PIR: variants seen among roughly 807,000 people sequenced by gnomAD.
PIR encodes pirin (iron-binding nuclear protein).
PIR carries 22 observed loss-of-function variants against 24.2 expected under a neutral mutation model. The observed-to-expected ratio is 0.91, with a 90% CI of 0.65 to 1.30. The LOEUF (loss-of-function observed/expected upper bound fraction) is 1.30, where lower values mean the gene tolerates loss of function less well. PIR is among the 50% of genes most tolerant of loss of function. The probability of loss-of-function intolerance (pLI) is 0.00; values close to 1 mark genes in which losing one functional copy is unlikely to be tolerated. For synonymous variants in PIR, 80 were observed against 79.6 expected (o/e 1.00, Z -0.03); for missense variants, 220 against 220.3 (o/e 1.00, Z 0.01).
chrX:15,415,155 C>T (rs1296793890), intron 6 of PIR, among the ~76,000 whole-genome samples: 1 of 111,419 alleles, frequency 9.0e-6, no homozygotes, highest in Non-Finnish European at 1.9e-5. Context: ...AACTCAGTCC[C>T]ATTACTCACT....
chrX:15,388,741 G>C (rs977512428), intron 9 of PIR, among the ~76,000 whole-genome samples: 1 of 112,237 alleles, frequency 8.9e-6, no homozygotes, highest in Non-Finnish European at 1.9e-5. Context: ...ACGATGATAA[G>C]AGGAGAAAGG....
At chrX:15,398,439 G>A (rs890076817) in intron 7 of PIR, among the ~76,000 whole-genome samples, 1 of 111,289 alleles carries the variant, frequency 9.0e-6, no homozygotes, top group Admixed American at 9.6e-5. Context: ...ACAGATATTT[G>A]TTGTGGAGGA....
chrX:15,392,588 C>T (rs1347522365), intron 8 of PIR, among the ~76,000 whole-genome samples: 1 of 111,423 alleles, frequency 9.0e-6, no homozygotes, highest in African/African-American at 3.3e-5. Context: ...ATTTGTTTCC[C>T]TTTCCTGCCT....
intron 9 of PIR, among the ~76,000 whole-genome samples, chrX:15,386,055 A>G (rs886557862): frequency 1.8e-5 from 2 of 111,833 alleles, no homozygotes; most frequent in Non-Finnish European, 3.8e-5. Flanking sequence ...CAGCTTTTAT[A>G]TGGCATTGAC....
intron 4 of PIR, among the ~76,000 whole-genome samples, chrX:15,456,517 C>T (rs904342914): frequency 3.6e-5 from 4 of 112,323 alleles, no homozygotes; most frequent in East Asian, 2.8e-4. Flanking sequence ...AGAATTGTCC[C>T]GACTTGAGAC....
chrX:15,479,774 A>G lies in PIR; in HGVS notation c.144T>C (p.Gly48=), dbSNP rs756307883. 1.7e-6 allele frequency: 2 copies of G among 1,180,896 alleles called. No individual in the cohort carries two copies. Among genetic ancestry groups the G allele is most frequent in the African/African-American group, 3.6e-5 (2 of 56,260 alleles). The part of the protein sequence containing the change: ...PFLLFDEFKG[G]RPGGFPDHPH... The stretch of plus-strand genomic sequence containing the variant: ...GATGATCAGGAAATCCTCCTGGTCT[A>G]CCTCCTTTAAATTCATCAAACAGTA... Residue 48 remains glycine (G), a synonymous_variant, in exon 3 of 10, where the codon GGT becomes GGC. Transcript: ENST00000380420.
At chrX:15,461,892 G>A (rs1386801652) in intron 3 of PIR, among the ~76,000 whole-genome samples, 4 of 112,504 alleles carry the variant, frequency 3.6e-5, no homozygotes, top group Non-Finnish European at 3.8e-5. Flanking sequence ...AGCCCCATCC[G>A]GCTAATGGCT....
chrX:15,463,057 C>T (rs937556869), intron 3 of PIR, among the ~76,000 whole-genome samples: 1 of 111,771 alleles, frequency 8.9e-6, no homozygotes, highest in African/African-American at 3.3e-5. Flanking sequence ...GAGAGTCAGC[C>T]TATCCACAGA....
At chrX:15,418,634 C>T (rs1481346897) in intron 6 of PIR, among the ~76,000 whole-genome samples, 1 of 111,842 alleles carries the variant, frequency 8.9e-6, no homozygotes, top group Non-Finnish European at 1.9e-5. Flanking sequence ...CATCTGTTTT[C>T]TGCAAGATTA....
chrX:15,450,896 G>A lies in PIR; in HGVS notation c.480+4952C>T, dbSNP rs192329739. Among the ~76,000 whole-genome samples, 8 of 111,866 alleles carry A rather than the reference G, an allele frequency of 7.2e-5. No homozygotes were observed. The East Asian group carries it at 1.7e-3, about 24-fold the overall frequency. On this transcript the variant is annotated intron_variant, in intron 5 of 9. Transcript: ENST00000380420. ...AGTCTCTTGGATGAAAGCAAAACCT[G>A]GAAAATGTGGGCAGCTATTTCTCTC...
chrX:15,448,282 G>T (rs994144857), intron 5 of PIR, among the ~76,000 whole-genome samples: 11 of 112,192 alleles, frequency 9.8e-5, no homozygotes, highest in African/African-American at 3.2e-4. Context: ...GAAGTTGCTG[G>T]GTACATTTCT....
intron 6 of PIR, among the ~76,000 whole-genome samples, chrX:15,411,817 T>G (rs2147018818): frequency 8.9e-6 from 1 of 112,182 alleles, no homozygotes; most frequent in Admixed American, 9.5e-5. Flanking sequence ...TCTTTTTAAT[T>G]TTTATTTTAA....
chrX:15,456,163 A>G, intron 4 of PIR, 109 bp from the exon 5 acceptor site: 1 of 644,478 alleles, frequency 1.6e-6, no homozygotes, highest in Non-Finnish European at 2.5e-6. Flanking sequence ...CAGTGCTGCT[A>G]TCAGAGCCCC....
chrX:15,425,268 C>T (rs899254891), intron 6 of PIR, among the ~76,000 whole-genome samples: 1 of 110,261 alleles, frequency 9.1e-6, no homozygotes, highest in Non-Finnish European at 1.9e-5. Flanking sequence ...TTTCCTTGCC[C>T]TACCTCATCC....
chrX:15,390,350 G>A lies in PIR; in HGVS notation c.694-99C>T, dbSNP rs747704295. 2.1e-5 allele frequency: 10 copies of A among 470,944 alleles called. No individual in the cohort carries two copies. In the East Asian group the frequency reaches 3.1e-4, roughly 14 times the overall value. The allele number at this position is 470,944 out of a possible 1,213,427, so 38.8% of individuals were successfully genotyped here. On this transcript the variant is annotated intron_variant, in intron 8 of 9. Transcript: ENST00000380420. ...TTGACATGCTAGCCAAATAGGCGAT[G>A]TTCCTAATTCTGAATATAATTTTCA...
chrX:15,384,886 T>G lies in PIR; in HGVS notation c.*118A>C. On this transcript the variant is annotated 3_prime_UTR_variant, in exon 10 of 10. Coordinates refer to ENST00000380420, the MANE Select transcript of PIR (RefSeq NM_001018109.3). The stretch of plus-strand genomic sequence containing the variant: ...TACAAAAACCATGTTATCACGTTAG[T>G]GTGGAATTCTTTAGAAGCACCGGCT... 2.4e-6 allele frequency: 1 copy of G among 418,090 alleles called. No homozygotes were observed. The highest frequency in any genetic ancestry group is 4.2e-6 in the Non-Finnish European group (1 of 236,089). 34.5% of individuals were successfully genotyped at this position (418,090 alleles called of 1,213,427 possible). A position where few individuals can be genotyped will look rare whatever the true frequency, so the allele number is the denominator to read the frequency against.
chrX:15,416,260 G>A (rs1924911860), intron 6 of PIR, among the ~76,000 whole-genome samples: 1 of 111,840 alleles, frequency 8.9e-6, no homozygotes, highest in Non-Finnish European at 1.9e-5. Flanking sequence ...GAAGTAGAGA[G>A]CTCTGCAAAA....
chrX:15,441,644 C>T (rs1464040701), intron 5 of PIR, among the ~76,000 whole-genome samples: 1 of 111,756 alleles, frequency 8.9e-6, no homozygotes, highest in Non-Finnish European at 1.9e-5. Context: ...CTGCCAGCTG[C>T]TCTCTGCCTT....
intron 5 of PIR, among the ~76,000 whole-genome samples, chrX:15,445,020 C>T (rs1233491661): frequency 1.8e-5 from 2 of 111,293 alleles, no homozygotes; most frequent in Admixed American, 1.9e-4. Context: ...GGGTTTTCTT[C>T]CTCCTTTTCA....
Sources: allele counts gnomAD v4.1 joint callset (sites outside exome capture counted in the v4.1 genomes callset), GRCh38; gene constraint gnomAD v4.1.1; transcripts MANE v1.5; gene names NCBI Gene and HGNC (gene_info 2026-07-23, HGNC 2026-07-21).